Variants in NT5M observed in about 807,000 individuals in gnomAD.
The protein encoded by NT5M is 5'(3')-deoxyribonucleotidase, mitochondrial.
NT5M carries 22 observed loss-of-function variants against 22.2 expected under a neutral mutation model. That is an observed-to-expected ratio of 0.99 (90% CI 0.71 to 1.41). NT5M has a LOEUF of 1.41. Among genes scored for constraint, NT5M ranks in the 40% most tolerant of loss-of-function variants. The probability of loss-of-function intolerance (pLI) is 0.00; values close to 1 mark genes in which losing one functional copy is unlikely to be tolerated. For missense variants in NT5M, 322 were observed against 314.8 expected, an observed-to-expected ratio of 1.02 and a Z score of -0.17; for synonymous variants, 167 against 133.0, an observed-to-expected ratio of 1.26 and a Z score of -1.76.
intron 2 of NT5M, among the ~76,000 whole-genome samples, chr17:17,312,680 G>A (rs911397069): frequency 2.0e-5 from 3 of 151,028 alleles, no homozygotes; most frequent in Non-Finnish European, 4.4e-5. Flanking sequence ...TAGCCTGGGT[G>A]GGGTTTGGTA....
intron 2 of NT5M, among the ~76,000 whole-genome samples, chr17:17,307,823 A>G (rs558962018): frequency 3.1e-4 from 47 of 151,778 alleles, no homozygotes; most frequent in African/African-American, 1.1e-3. Flanking sequence ...GCGCCACTAC[A>G]CTCTAGCCTA....
At chr17:17,304,460 G>A (rs1490850680) in intron 1 of NT5M, 3 of 983,036 alleles carry the variant, frequency 3.1e-6, no homozygotes, top group African/African-American at 3.5e-5. Flanking sequence ...AAGGAGGGAC[G>A]TTTACACACA....
rs1173004367 is a variant in NT5M, at chr17:17,315,744, G to GTTTTTTTTTTTTTTTTTTTT, written c.369-7434_369-7433insTTTTTTTTTTTTTTTTTTTT. 3.0e-5 allele frequency among the ~76,000 whole-genome samples: 2 copies of GTTTTTTTTTTTTTTTTTTTT among 67,714 alleles called. 1 individual carries two copies. Among genetic ancestry groups the GTTTTTTTTTTTTTTTTTTTT allele is most frequent in the Non-Finnish European group, 5.4e-5 (2 of 37,274 alleles). 44.4% of individuals were successfully genotyped at this position (67,714 alleles called of 152,430 possible). A position where few individuals can be genotyped will look rare whatever the true frequency, so the allele number is the denominator to read the frequency against. ...AGAGATTGATGTGATCTAACTTAGG[G>GTTTTTTTTTTTTTTTTTTTT]TTTTTTTGTTTTTTTTTTTTTTTTT... On this transcript the variant is annotated intron_variant, in intron 2 of 4. Transcript: ENST00000389022.
At chr17:17,336,565 T>C (rs1479940577) in intron 3 of NT5M, among the ~76,000 whole-genome samples, 1 of 151,250 alleles carries the variant, frequency 6.6e-6, no homozygotes. Context: ...TTTTTTTTTT[T>C]TTTTTGACGG....
intron 4 of NT5M, among the ~76,000 whole-genome samples, chr17:17,346,349 C>T (rs528484005): frequency 1.3e-5 from 2 of 152,242 alleles, no homozygotes; most frequent in Non-Finnish European, 1.5e-5. Flanking sequence ...GCTGCAGGGG[C>T]CTGTGATCAG....
chr17:17,331,072 T>C (rs929437006), intron 3 of NT5M, among the ~76,000 whole-genome samples: 1 of 151,606 alleles, frequency 6.6e-6, no homozygotes, highest in Non-Finnish European at 1.5e-5. Flanking sequence ...AAATTTCCAG[T>C]TGCTCCAGTA....
chr17:17,313,937 G>A (rs1388822737), intron 2 of NT5M, among the ~76,000 whole-genome samples: 1 of 152,214 alleles, frequency 6.6e-6, no homozygotes, highest in Non-Finnish European at 1.5e-5. Flanking sequence ...CTGCGCGTGA[G>A]ATAGGGCTTC....
chr17:17,328,156 A>G (rs2049300982), intron 3 of NT5M, among the ~76,000 whole-genome samples: 1 of 152,136 alleles, frequency 6.6e-6, no homozygotes, highest in Admixed American at 6.6e-5. Context: ...GCTAGGCTGG[A>G]CCACATAGGG....
chr17:17,324,063 C>T (rs773609355), intron 3 of NT5M, among the ~76,000 whole-genome samples: 8 of 151,782 alleles, frequency 5.3e-5, no homozygotes, highest in Non-Finnish European at 7.4e-5. Flanking sequence ...TTAGTAGAGA[C>T]GGGGTTTTGC....
intron 4 of NT5M, 54 bp from the exon 5 acceptor site, chr17:17,346,751 C>T (rs998041508): frequency 6.9e-6 from 11 of 1,598,604 alleles, no homozygotes; most frequent in South Asian, 2.2e-5. Flanking sequence ...CCACCCTAGG[C>T]GGCTGCGCTC....
chr17:17,347,166 C>G lies in NT5M; in HGVS notation c.*219C>G, dbSNP rs1597809744. The G allele has an allele frequency of 1.7e-6, 1 of 599,028 alleles. No homozygotes were observed. The highest frequency in any genetic ancestry group is 3.1e-5 in the East Asian group (1 of 32,706). 37.1% of individuals were successfully genotyped at this position (599,028 alleles called of 1,614,324 possible). A position where few individuals can be genotyped will look rare whatever the true frequency, so the allele number is the denominator to read the frequency against. The stretch of plus-strand genomic sequence containing the variant: ...GCGCTTGGACATAGACACGTGGTCC[C>G]AGGCCGTTCAGCCTGACCTCAGGCA... On this transcript the variant is annotated 3_prime_UTR_variant, in exon 5 of 5. Transcript: ENST00000389022.
chr17:17,328,067 T>C (rs1014202574), intron 3 of NT5M, among the ~76,000 whole-genome samples: 1 of 152,084 alleles, frequency 6.6e-6, no homozygotes, highest in Non-Finnish European at 1.5e-5. Context: ...AAAGGTAGGG[T>C]TCGGGTATAT....
chr17:17,314,906 C>T (rs1294884360), intron 2 of NT5M, among the ~76,000 whole-genome samples: 1 of 152,212 alleles, frequency 6.6e-6, no homozygotes, highest in East Asian at 1.9e-4. Flanking sequence ...TCTGCCCTCC[C>T]CTCCTGGTCG....
chr17:17,342,755 C>T (rs1481831232), intron 3 of NT5M, among the ~76,000 whole-genome samples: 1 of 152,208 alleles, frequency 6.6e-6, no homozygotes, highest in Non-Finnish European at 1.5e-5. Flanking sequence ...AAGATGCCGC[C>T]TTTGCAGTGA....
At chr17:17,336,554 CTT>C (rs71355546) in intron 3 of NT5M, among the ~76,000 whole-genome samples, 1,913 of 136,720 alleles carry the variant, frequency 0.014, 34 homozygotes, top group African/African-American at 0.045. Context: ...TTTTTCTTTT[CTT>C]TTTTTTTTTT....
At chr17:17,339,088 A>G (rs544019529) in intron 3 of NT5M, among the ~76,000 whole-genome samples, 11 of 152,312 alleles carry the variant, frequency 7.2e-5, no homozygotes, top group Admixed American at 1.3e-4. Flanking sequence ...TAGTATGAAC[A>G]TTTTAACTAT....
intron 3 of NT5M, among the ~76,000 whole-genome samples, chr17:17,328,010 G>A (rs546407487): frequency 6.6e-6 from 1 of 152,220 alleles, no homozygotes; most frequent in East Asian, 1.9e-4. Flanking sequence ...GTATGGTCAT[G>A]TTCTTAGGGT....
At chr17:17,323,078 G>A (rs2049184514) in intron 2 of NT5M, 107 bp from the exon 3 acceptor site, 2 of 883,442 alleles carry the variant, frequency 2.3e-6, no homozygotes, top group East Asian at 4.8e-5. Flanking sequence ...CAGGGGAAGG[G>A]TTCAGACTCA....
intron 2 of NT5M, among the ~76,000 whole-genome samples, chr17:17,316,164 T>C (rs2049024199): frequency 6.6e-6 from 1 of 151,540 alleles, no homozygotes; most frequent in African/African-American, 2.4e-5. Flanking sequence ...TAAAAGCAAT[T>C]ATCCTGTTTC....
Sources: allele counts gnomAD v4.1 joint callset (sites outside exome capture counted in the v4.1 genomes callset), GRCh38; gene constraint gnomAD v4.1.1; transcripts MANE v1.5; gene names NCBI Gene and HGNC (gene_info 2026-07-23, HGNC 2026-07-21).